The following PTPRR variants were observed in gnomAD, a reference collection of about 807,000 sequenced individuals.
The protein encoded by PTPRR is receptor-type tyrosine-protein phosphatase R.
PTPRR carries 38 observed loss-of-function variants against 77.2 expected under a neutral mutation model. The observed-to-expected ratio is 0.49, with a 90% CI of 0.38 to 0.65. PTPRR has a LOEUF of 0.65. PTPRR is among the 30% of genes least tolerant of loss of function. PTPRR has a pLI of 0.00. For synonymous variants in PTPRR, 299 were observed against 283.1 expected, an observed-to-expected ratio of 1.06 and a Z score of -0.57; for missense variants, 744 against 799.2, an observed-to-expected ratio of 0.93 and a Z score of 0.83.
At chr12:70,764,837 G>C in intron 2 of PTPRR, 59 bp from the exon 3 acceptor site, 10 of 1,216,450 alleles carry the variant, frequency 8.2e-6, no homozygotes, top group African/African-American at 1.5e-5. Context: ...TAGATGTATA[G>C]AATACATCCA....
At position 70,880,684 on chromosome 12, in the gene PTPRR, A is replaced by AT. The variant is rs546567922; in HGVS notation, c.357+11994dup. On this transcript the variant is annotated intron_variant, in intron 2 of 13. Transcript: ENST00000283228. The stretch of plus-strand genomic sequence containing the variant: ...CTTAGAGTTCAGCAGAAATTAAATA[A>AT]TTTTTTTGAATGAATGAATGTTTCA... Among the ~76,000 whole-genome samples the AT allele has an allele frequency of 1.9e-3, 292 of 152,236 alleles. 2 individuals are homozygous for AT. Among genetic ancestry groups the AT allele is most frequent in the African/African-American group, 6.6e-3 (274 of 41,558 alleles).
chr12:70,857,686 G>C (rs770539799), intron 2 of PTPRR, among the ~76,000 whole-genome samples: 1 of 152,058 alleles, frequency 6.6e-6, no homozygotes, highest in African/African-American at 2.4e-5. Flanking sequence ...AATATGGTTG[G>C]CTGCTTGTAA....
At chr12:70,786,453 T>C (rs1235554096) in intron 2 of PTPRR, among the ~76,000 whole-genome samples, 1 of 152,194 alleles carries the variant, frequency 6.6e-6, no homozygotes, top group Non-Finnish European at 1.5e-5. Context: ...TTACAGGTCA[T>C]TGGAGCTTTA....
chr12:70,877,445 T>A (rs1893070293), intron 2 of PTPRR, among the ~76,000 whole-genome samples: 1 of 152,148 alleles, frequency 6.6e-6, no homozygotes, highest in Non-Finnish European at 1.5e-5. Context: ...CATTTACTGA[T>A]GCCAGAAAGA....
intron 2 of PTPRR, among the ~76,000 whole-genome samples, chr12:70,790,156 T>C (rs377543789): frequency 7.9e-5 from 12 of 152,312 alleles, no homozygotes; most frequent in African/African-American, 2.9e-4. Flanking sequence ...CAAATCCAAA[T>C]ATCCTGTTAT....
At chr12:70,800,208 T>C (rs572036469) in intron 2 of PTPRR, among the ~76,000 whole-genome samples, 1 of 151,394 alleles carries the variant, frequency 6.6e-6, no homozygotes, top group South Asian at 2.1e-4. Context: ...TCCTGTCTCT[T>C]GAAATCTGTC....
At chr12:70,679,138 A>C (rs932685585) in intron 10 of PTPRR, among the ~76,000 whole-genome samples, 2 of 152,128 alleles carry the variant, frequency 1.3e-5, no homozygotes, top group African/African-American at 2.4e-5. Flanking sequence ...TATTTGTCTC[A>C]AGGAATTTTT....
chr12:70,908,365 G>A (rs961832362), intron 1 of PTPRR, among the ~76,000 whole-genome samples: 2 of 152,110 alleles, frequency 1.3e-5, no homozygotes. Flanking sequence ...TAAAGAAAAA[G>A]AGGTGTAATT....
intron 4 of PTPRR, among the ~76,000 whole-genome samples, chr12:70,755,283 G>A (rs1890532866): frequency 6.6e-6 from 1 of 152,124 alleles, no homozygotes; most frequent in Non-Finnish European, 1.5e-5. Context: ...TTTAGTGAGA[G>A]TACATGTCTG....
intron 2 of PTPRR, among the ~76,000 whole-genome samples, chr12:70,786,491 G>T (rs1269120432): frequency 6.6e-6 from 1 of 152,112 alleles, no homozygotes; most frequent in Admixed American, 6.6e-5. Context: ...ATAAGGAGAT[G>T]GGTACCTTTT....
At chr12:70,823,742 A>C (rs549071731) in intron 2 of PTPRR, among the ~76,000 whole-genome samples, 2 of 152,242 alleles carry the variant, frequency 1.3e-5, no homozygotes, top group African/African-American at 4.8e-5. Context: ...TCCTTGTCTG[A>C]GAGAGTTAGG....
chr12:70,873,198 A>G (rs1473344974), intron 2 of PTPRR, among the ~76,000 whole-genome samples: 1 of 152,140 alleles, frequency 6.6e-6, no homozygotes, highest in Admixed American at 6.5e-5. Flanking sequence ...AAATTTGGAG[A>G]TCAAGTGACT....
chr12:70,748,057 C>T (rs986849753), intron 5 of PTPRR, among the ~76,000 whole-genome samples: 29 of 152,034 alleles, frequency 1.9e-4, no homozygotes, highest in Admixed American at 1.3e-3. Context: ...AGGCTAACTA[C>T]CTTTACAATG....
At chr12:70,653,561 T>A (rs1206103987) in intron 13 of PTPRR, among the ~76,000 whole-genome samples, 2 of 152,228 alleles carry the variant, frequency 1.3e-5, no homozygotes, top group East Asian at 3.8e-4. Context: ...GCTGAAGTCC[T>A]GTGAGTTATA....
At chr12:70,876,374 A>G (rs1211293561) in intron 2 of PTPRR, among the ~76,000 whole-genome samples, 1 of 152,238 alleles carries the variant, frequency 6.6e-6, no homozygotes, top group Non-Finnish European at 1.5e-5. Flanking sequence ...ACATACACAA[A>G]GAATGAACTC....
At chr12:70,892,581 A>G (rs1893356217) in intron 2 of PTPRR, 98 bp downstream of exon 2, 13 of 1,389,532 alleles carry the variant, frequency 9.4e-6, no homozygotes, top group Non-Finnish European at 1.3e-5. Context: ...GTTGGGATTC[A>G]TTGATAACTA....
intron 6 of PTPRR, among the ~76,000 whole-genome samples, chr12:70,733,753 T>C (rs1280766220): frequency 6.6e-6 from 1 of 152,216 alleles, no homozygotes; most frequent in Non-Finnish European, 1.5e-5. Context: ...ATAAATAAAT[T>C]GAAGTGTATA....
intron 2 of PTPRR, among the ~76,000 whole-genome samples, chr12:70,891,586 A>C (rs7955959): frequency 6.6e-6 from 1 of 152,056 alleles, no homozygotes; most frequent in African/African-American, 2.4e-5. Flanking sequence ...TGAATTATTG[A>C]TATTTCCCTC....
chr12:70,660,907 T>C (rs1886774827), intron 12 of PTPRR, 33 bp downstream of exon 12: 3 of 1,577,896 alleles, frequency 1.9e-6, no homozygotes, highest in African/African-American at 2.7e-5. Flanking sequence ...GAATGGGCCA[T>C]TGCTTAGACA....
Sources: gnomAD v4.1 joint callset for allele counts (sites outside exome capture counted in the v4.1 genomes callset) on GRCh38, gnomAD v4.1.1 for gene constraint, MANE v1.5 for transcripts, NCBI Gene and HGNC (gene_info 2026-07-23, HGNC 2026-07-21) for gene names.